Variants in GNE observed in about 807,000 individuals in gnomAD.
GNE encodes the protein glucosamine (UDP-N-acetyl)-2-epimerase/N-acetylmannosamine kinase.
Under a neutral mutation model 61.8 loss-of-function variants are expected in GNE, and 41 were observed. The observed-to-expected ratio is 0.66, with a 90% CI of 0.52 to 0.86. The LOEUF (loss-of-function observed/expected upper bound fraction) is 0.86. GNE is among the 40% of genes least tolerant of loss of function. The probability of loss-of-function intolerance (pLI) is 0.00; values close to 1 mark genes in which losing one functional copy is unlikely to be tolerated. For missense variants in GNE, 608 were observed against 909.1 expected, an observed-to-expected ratio of 0.67 and a Z score of 4.26; for synonymous variants, 264 against 326.4, an observed-to-expected ratio of 0.81 and a Z score of 2.06.
chr9:36,225,299 A>G (rs1044343921), intron 7 of GNE, among the ~76,000 whole-genome samples: 2 of 152,092 alleles, frequency 1.3e-5, no homozygotes, highest in Non-Finnish European at 1.5e-5. Flanking sequence ...GGATTTTTAT[A>G]TCTCAAATAT....
chr9:36,246,329 G>T lies in GNE; in HGVS notation c.318C>A (p.Ile106=), dbSNP rs1390893946. 3 of 1,614,088 alleles carry T rather than the reference G, an allele frequency of 1.9e-6. No homozygotes were observed. The highest frequency in any genetic ancestry group is 2.5e-6 in the Non-Finnish European group (3 of 1,180,042). Residue 106 remains isoleucine, a synonymous_variant, in exon 3 of 12, where the codon ATC becomes ATA. Coordinates refer to ENST00000642385, the MANE Select transcript of GNE (RefSeq NM_005476.7). ...CAAACCTGTCTCCATGAACAATCAT[G>T]ATATCAGGCTTCAGGCGATTAAGGA... ...PDVLNRLKPD[I]MIVHGDRFDA... is the part of the protein sequence containing the mutation.
chr9:36,253,081 G>C (rs1252001207), intron 1 of GNE, among the ~76,000 whole-genome samples: 2 of 152,036 alleles, frequency 1.3e-5, no homozygotes, highest in Non-Finnish European at 1.5e-5. Flanking sequence ...AGAATCACTT[G>C]AACACATGAG....
upstream of GNE, among the ~76,000 whole-genome samples, chr9:36,262,502 A>G (rs1830644679): frequency 6.6e-6 from 1 of 152,164 alleles, no homozygotes; most frequent in African/African-American, 2.4e-5. Flanking sequence ...GAATTGACAT[A>G]CCAAAAATCG....
intron 2 of GNE, among the ~76,000 whole-genome samples, chr9:36,248,166 G>T (rs907914764): frequency 6.6e-6 from 1 of 151,924 alleles, no homozygotes; most frequent in South Asian, 2.1e-4. Context: ...TTATTTTAAC[G>T]CAAGGTTCTT....
upstream of GNE, among the ~76,000 whole-genome samples, chr9:36,261,552 C>CAAA (rs566779282): frequency 2.3e-5 from 2 of 88,334 alleles, no homozygotes; most frequent in African/African-American, 7.8e-5. Flanking sequence ...GACTCCGTCT[C>CAAA]AAAAAAAAAA....
At chr9:36,227,514 G>A (rs754925106) in intron 6 of GNE, 56 bp from the exon 7 acceptor site, 3 of 1,047,004 alleles carry the variant, frequency 2.9e-6, no homozygotes, top group Non-Finnish European at 3.0e-6. Context: ...ATGTTAAGTG[G>A]TAGTGAGGGT....
intron 1 of GNE, chr9:36,264,834 A>C (rs896811865): frequency 6.5e-6 from 1 of 154,414 alleles, no homozygotes; most frequent in Middle Eastern, 3.2e-3. Flanking sequence ...GCACAGTGGG[A>C]GGGACAATGA....
chr9:36,227,915 C>A (rs796607294), intron 6 of GNE, among the ~76,000 whole-genome samples: 20 of 151,846 alleles, frequency 1.3e-4, no homozygotes, highest in African/African-American at 4.8e-4. Context: ...TGCCTGTAAT[C>A]CCAGCTACTC....
intron 1 of GNE, among the ~76,000 whole-genome samples, chr9:36,266,927 G>A (rs1480001279): frequency 6.6e-6 from 1 of 152,010 alleles, no homozygotes; most frequent in African/African-American, 2.4e-5. Context: ...AATTAACCGG[G>A]TGGTGGCCCC....
At chr9:36,241,503 C>G (rs1017238088) in intron 3 of GNE, among the ~76,000 whole-genome samples, 2 of 152,174 alleles carry the variant, frequency 1.3e-5, no homozygotes, top group African/African-American at 4.8e-5. Flanking sequence ...GACAATGAGC[C>G]AGAGCAACTC....
At chr9:36,246,718 G>GAGT (rs1468271160) in intron 2 of GNE, among the ~76,000 whole-genome samples, 2 of 147,560 alleles carry the variant, frequency 1.4e-5, no homozygotes, top group African/African-American at 5.1e-5. Context: ...GCCCAGGCTG[G>GAGT]AGTGCAGTAG....
In GNE at chr9:36,235,578, C is replaced by T. The variant is rs112316118; in HGVS notation, c.769+1254G>A. On this transcript the variant is annotated intron_variant, in intron 4 of 11. Transcript: ENST00000642385. ...TATATCATTGACAATGAATGCTGAA[C>T]GAGAATGATACATAGTTACATTACA... 2.3e-4 allele frequency among the ~76,000 whole-genome samples: 35 copies of T among 151,974 alleles called. 1 individual carries two copies. Among genetic ancestry groups the T allele is most frequent in the Middle Eastern group, 3.4e-3 (1 of 294 alleles).
At chr9:36,237,655 T>A (rs201675390) in intron 3 of GNE, among the ~76,000 whole-genome samples, 3,990 of 151,878 alleles carry the variant, frequency 0.026, 108 homozygotes, top group East Asian at 0.14. Flanking sequence ...CTTTTTTTTT[T>A]AATTAAGTTT....
chr9:36,226,338 A>AT (rs1398732180), intron 7 of GNE, among the ~76,000 whole-genome samples: 10 of 109,132 alleles, frequency 9.2e-5, no homozygotes, highest in African/African-American at 3.0e-4. Flanking sequence ...ATGCCCAGCT[A>AT]ATTTTTTTTT....
At chr9:36,275,304 A>C (rs1831220526) in intron 1 of GNE, among the ~76,000 whole-genome samples, 1 of 152,190 alleles carries the variant, frequency 6.6e-6, no homozygotes, top group African/African-American at 2.4e-5. Flanking sequence ...TGTGCCACAA[A>C]ACCCTATCAG....
rs1489137295 is a variant in GNE at position 36,246,320 on chromosome 9, A to C, written c.327T>G (p.Val109=). ...CCAGGGCATCAAACCTGTCTCCATG[A>C]ACAATCATGATATCAGGCTTCAGGC... ...LNRLKPDIMI[V]HGDRFDALAL... Residue 109 remains valine (V), a synonymous_variant, in exon 3 of 12, where the codon GTT becomes GTG. Coordinates refer to ENST00000642385, the MANE Select transcript of GNE (RefSeq NM_005476.7). 1 of 1,614,100 alleles carries C rather than the reference A, an allele frequency of 6.2e-7. No individual in the cohort carries two copies. Among genetic ancestry groups the C allele is most frequent in the Non-Finnish European group, 8.5e-7 (1 of 1,180,054 alleles).
Position 36,217,524 on chromosome 9 carries a change from G to A in GNE, c.2010C>T (p.Val670=). The part of the protein sequence containing the change: ...MNPSLVILSG[V]LASHYIHIVK... ...CAATGTGGATATAGTGACTGGCCAG[G>A]ACTCCGGAGAGGATCACAAGGGAGG... Residue 670 remains valine, a synonymous_variant, in exon 12 of 12, where the codon GTC becomes GTT. Transcript: ENST00000642385. The A allele has an allele frequency of 2.5e-6, 4 of 1,614,120 alleles. No homozygotes were observed. The highest frequency in any genetic ancestry group is 2.5e-6 in the Non-Finnish European group (3 of 1,179,944).
intron 3 of GNE, among the ~76,000 whole-genome samples, chr9:36,243,773 A>C (rs1223786966): frequency 4.6e-5 from 7 of 152,116 alleles, no homozygotes; most frequent in Non-Finnish European, 1.0e-4. Context: ...TGAGCCCAGG[A>C]GGACAAGACT....
intron 1 of GNE, among the ~76,000 whole-genome samples, chr9:36,266,833 C>T (rs752477105): frequency 1.3e-4 from 19 of 151,644 alleles, no homozygotes; most frequent in Non-Finnish European, 2.4e-4. Context: ...GGGGTGAACC[C>T]GGGAGGCGGA....
Sources: gnomAD v4.1 joint callset for allele counts (sites outside exome capture counted in the v4.1 genomes callset) on GRCh38, gnomAD v4.1.1 for gene constraint, MANE v1.5 for transcripts, NCBI Gene and HGNC (gene_info 2026-07-23, HGNC 2026-07-21) for gene names.